Variants in CSMD1 observed in about 807,000 individuals in gnomAD.
CSMD1 encodes the protein CUB and sushi domain-containing protein 1.
Under a neutral mutation model 417.5 loss-of-function variants are expected in CSMD1, and 213 were observed. That is an observed-to-expected ratio of 0.51 (90% CI 0.46 to 0.57). The LOEUF (loss-of-function observed/expected upper bound fraction) is 0.57, where lower values mean the gene tolerates loss of function less well. CSMD1 is among the 20% of genes least tolerant of loss of function. The probability of loss-of-function intolerance (pLI) is 0.00; values close to 1 mark genes in which losing one functional copy is unlikely to be tolerated. For synonymous variants in CSMD1, 2,862 were observed against 1,736.8 expected (o/e 1.65, Z -16.11); for missense variants, 6,923 against 4,529.7 (o/e 1.53, Z -15.17).
At position 4,355,912 on chromosome 8, in the gene CSMD1, A is replaced by G. The variant is rs1438998032; in HGVS notation, c.415+64041T>C. Among the ~76,000 whole-genome samples, 42 of 135,056 alleles carry G rather than the reference A, an allele frequency of 3.1e-4. No homozygotes were observed. The Admixed American group carries it at 3.3e-3, about 10-fold the overall frequency. The allele number at this position is 135,056 out of a possible 152,430, so 88.6% of individuals were successfully genotyped here. A position where few individuals can be genotyped will look rare whatever the true frequency, so the allele number is the denominator to read the frequency against. ...AGCGCAGGTGAGTCTCATGATTTGA[A>G]TCAGCTGTTTTTTTGTTTTGTTTTG... On this transcript the variant is annotated intron_variant, in intron 3 of 69. Transcript: ENST00000635120.
At chr8:4,505,406 T>A (rs2130308390) in intron 2 of CSMD1, among the ~76,000 whole-genome samples, 1 of 152,314 alleles carries the variant, frequency 6.6e-6, no homozygotes, top group South Asian at 2.1e-4. Context: ...ATAAAGATAT[T>A]AAATCAATAA....
chr8:4,041,526 G>T (rs936051639), intron 3 of CSMD1, among the ~76,000 whole-genome samples: 1 of 152,084 alleles, frequency 6.6e-6, no homozygotes, highest in Non-Finnish European at 1.5e-5. Context: ...GAATGTTCAA[G>T]AATATTTATG....
chr8:4,678,879 A>T (rs549107693), intron 1 of CSMD1, among the ~76,000 whole-genome samples: 1 of 152,334 alleles, frequency 6.6e-6, no homozygotes, highest in East Asian at 1.9e-4. Context: ...CTGTCATTGT[A>T]AAAAGTTTAC....
At chr8:2,974,391 C>T in intron 56 of CSMD1, 60 bp downstream of exon 56, 1 of 1,344,822 alleles carries the variant, frequency 7.4e-7, no homozygotes, top group Non-Finnish European at 1.0e-6. Context: ...TATTTGAAAT[C>T]ACTATTTGAA....
At chr8:4,094,540 G>C (rs1263458374) in intron 3 of CSMD1, among the ~76,000 whole-genome samples, 1 of 152,196 alleles carries the variant, frequency 6.6e-6, no homozygotes, top group Non-Finnish European at 1.5e-5. Flanking sequence ...AATAGCTTCA[G>C]TGGGAGATTC....
chr8:3,247,394 G>A (rs1273207198), intron 26 of CSMD1, among the ~76,000 whole-genome samples: 2 of 152,016 alleles, frequency 1.3e-5, no homozygotes, highest in East Asian at 3.9e-4. Flanking sequence ...ATGACATTGT[G>A]ACCCCTCTGC....
intron 5 of CSMD1, among the ~76,000 whole-genome samples, chr8:3,827,705 G>C (rs899520167): frequency 6.6e-6 from 1 of 152,168 alleles, no homozygotes; most frequent in Non-Finnish European, 1.5e-5. Context: ...TGTGAGTTTT[G>C]TCAGGATTTA....
intron 8 of CSMD1, among the ~76,000 whole-genome samples, chr8:3,587,987 TCA>T (rs1800678578): frequency 6.6e-6 from 1 of 152,182 alleles, no homozygotes; most frequent in Non-Finnish European, 1.5e-5. Context: ...TTGCTAGCCA[TCA>T]CAGTTATTTA....
At chr8:4,284,677 C>G (rs1329921767) in intron 3 of CSMD1, among the ~76,000 whole-genome samples, 2 of 152,112 alleles carry the variant, frequency 1.3e-5, no homozygotes, top group Middle Eastern at 6.3e-3. Flanking sequence ...CCACAACACT[C>G]TTGACAGATA....
chr8:4,498,874 T>G (rs554526740), intron 2 of CSMD1, among the ~76,000 whole-genome samples: 1 of 151,780 alleles, frequency 6.6e-6, no homozygotes, highest in Non-Finnish European at 1.5e-5. Flanking sequence ...ACCCCAGAAG[T>G]CAAAATAATA....
At chr8:3,579,518 A>T (rs917131504) in intron 9 of CSMD1, among the ~76,000 whole-genome samples, 2 of 152,196 alleles carry the variant, frequency 1.3e-5, no homozygotes, top group East Asian at 3.9e-4. Flanking sequence ...TTATAATTAC[A>T]TTGGATAGCC....
In CSMD1 at chr8:4,994,438, A is replaced by C; in HGVS notation, c.-22T>G. 1 of 1,602,366 alleles carries C rather than the reference A, an allele frequency of 6.2e-7. No individual in the cohort carries two copies. Among genetic ancestry groups the C allele is most frequent in the Non-Finnish European group, 8.5e-7 (1 of 1,172,926 alleles). On this transcript the variant is annotated 5_prime_UTR_variant, in exon 1 of 70. Transcript: ENST00000635120. ...TCATGTCTGCAGATACTCCACACGCACGCGACACCGATGGCTCCTCCGAGG... is the reference window on the plus strand; with the variant it reads ...TCATGTCTGCAGATACTCCACACGCCCGCGACACCGATGGCTCCTCCGAGG...
At chr8:3,371,009 T>C (rs1809912207) in intron 18 of CSMD1, among the ~76,000 whole-genome samples, 1 of 151,958 alleles carries the variant, frequency 6.6e-6, no homozygotes, top group African/African-American at 2.4e-5. Context: ...AAAAATTTTA[T>C]CTTTTCTTGA....
intron 1 of CSMD1, among the ~76,000 whole-genome samples, chr8:4,650,347 GAA>G (rs61642390): frequency 0.31 from 23,670 of 77,582 alleles, 1,328 homozygotes; most frequent in Middle Eastern, 0.37. Flanking sequence ...TCCGTCTCAA[GAA>G]AAAAAAAAAA....
intron 49 of CSMD1, 66 bp from the exon 50 acceptor site, chr8:3,052,713 T>C (rs1811940767): frequency 8.9e-7 from 1 of 1,126,164 alleles, no homozygotes. Flanking sequence ...ATTAAAACCA[T>C]TGATTGATTA....
intron 5 of CSMD1, among the ~76,000 whole-genome samples, chr8:3,834,874 A>G (rs1279965144): frequency 2.6e-5 from 4 of 152,126 alleles, no homozygotes; most frequent in Non-Finnish European, 5.9e-5. Context: ...TTTACAAGAA[A>G]AAAACAAACA....
intron 3 of CSMD1, among the ~76,000 whole-genome samples, chr8:4,327,586 A>C (rs148390572): frequency 6.6e-6 from 1 of 152,094 alleles, no homozygotes; most frequent in African/African-American, 2.4e-5. Context: ...CACTCATACT[A>C]CAAAGATGTT....
intron 10 of CSMD1, 51 bp downstream of exon 10, chr8:3,574,894 C>A: frequency 1.3e-6 from 2 of 1,595,880 alleles, no homozygotes; most frequent in Non-Finnish European, 1.7e-6. Flanking sequence ...ACAATAGATC[C>A]TATAAGAGTG....
intron 49 of CSMD1, among the ~76,000 whole-genome samples, chr8:3,084,398 C>G (rs1027240819): frequency 6.6e-6 from 1 of 151,716 alleles, no homozygotes. Context: ...TGGTGGGTGC[C>G]TGTAATCCCA....
Sources: allele counts gnomAD v4.1 joint callset (sites outside exome capture counted in the v4.1 genomes callset), GRCh38; gene constraint gnomAD v4.1.1; transcripts MANE v1.5; gene names NCBI Gene and HGNC (gene_info 2026-07-23, HGNC 2026-07-21).